ZC3H4: variants seen among roughly 807,000 people sequenced by gnomAD.
ZC3H4 encodes the protein zinc finger CCCH-type containing 4.
In ZC3H4, 13 loss-of-function variants were observed where a neutral mutation model predicts 108.3. The ratio of observed to expected loss-of-function variants is 0.12; its 90% CI spans 0.08 to 0.19. The LOEUF is 0.19. Ranked by LOEUF, ZC3H4 falls within the 10% of genes least tolerant of loss-of-function variation. The pLI is 1.00. For missense variants in ZC3H4, 1,734 were observed against 1,838.8 expected (o/e 0.94, Z 1.04); for synonymous variants, 917 against 749.6 (o/e 1.22, Z -3.65).
At chr19:47,081,072 T>C (rs909600249) in intron 11 of ZC3H4, among the ~76,000 whole-genome samples, 1 of 152,088 alleles carries the variant, frequency 6.6e-6, no homozygotes, top group Non-Finnish European at 1.5e-5. Flanking sequence ...TTTTTTTTAA[T>C]TTATTTTTAG....
intron 11 of ZC3H4, among the ~76,000 whole-genome samples, chr19:47,076,470 A>T (rs1460822991): frequency 6.6e-6 from 1 of 152,212 alleles, no homozygotes; most frequent in Non-Finnish European, 1.5e-5. Context: ...GGCATTTACT[A>T]TAAAGGACAC....
chr19:47,090,744 C>T (rs551806086), intron 4 of ZC3H4, among the ~76,000 whole-genome samples: 1 of 152,128 alleles, frequency 6.6e-6, no homozygotes, highest in African/African-American at 2.4e-5. Context: ...AATGGAGTAA[C>T]GACGAATATG....
rs757174170 is a variant in ZC3H4, at chr19:47,085,040, A to G, written c.1107+16T>C. 15 of 1,614,086 alleles carry G rather than the reference A, an allele frequency of 9.3e-6. No homozygotes were observed. The highest frequency in any genetic ancestry group is 1.2e-5 in the Non-Finnish European group (14 of 1,179,940). ...GACCTTGGCCCAAACATCAGATCAGAGTGGAGTCAACTCACGCCCATGTCC... is the reference window on the plus strand; with the variant it reads ...GACCTTGGCCCAAACATCAGATCAGGGTGGAGTCAACTCACGCCCATGTCC... On this transcript the variant is annotated intron_variant, in intron 8 of 14. Coordinates refer to ENST00000253048, the MANE Select transcript of ZC3H4 (RefSeq NM_015168.2).
Position 47,082,306 on chromosome 19 carries a change from A to C in ZC3H4, c.1219-11T>G. On this transcript the variant is annotated splice_polypyrimidine_tract_variant and intron_variant, in intron 9 of 14. Coordinates refer to ENST00000253048, the MANE Select transcript of ZC3H4 (RefSeq NM_015168.2). ...ATTACAGTGGTCTCCCTAGAAGAGA[A>C]GCAACAAAAACATAAGGTGGTGGCG... 6.3e-7 allele frequency: 1 copy of C among 1,598,450 alleles called. No homozygotes were observed. The highest frequency in any genetic ancestry group is 8.6e-7 in the Non-Finnish European group (1 of 1,165,408).
rs1476276492 is a variant in ZC3H4 at position 47,067,669 on chromosome 19, C to A, written c.2599G>T (p.Asp867Tyr). The A allele has an allele frequency of 6.2e-7, 1 of 1,600,640 alleles. No individual in the cohort carries two copies. Among genetic ancestry groups the A allele is most frequent in the Non-Finnish European group, 8.5e-7 (1 of 1,175,800 alleles). The change falls in exon 15 of 15, where the codon GAC becomes TAC. Residue 867 changes from aspartate (D) to tyrosine (Y), a missense_variant. Transcript: ENST00000253048. The surrounding 1 kb of genome is among the most constrained non-coding windows in gnomAD (Gnocchi z 6.4). ...SRLADPRLSR[D>Y]PRLTRHVEAS... ...TCCACATGGCGGGTGAGTCTGGGGT[C>A]CCGGCTGAGGCGAGGGTCAGCCAGC...
intron 5 of ZC3H4, among the ~76,000 whole-genome samples, chr19:47,088,675 G>A (rs1304439966): frequency 6.6e-6 from 1 of 152,048 alleles, no homozygotes; most frequent in East Asian, 1.9e-4. Context: ...ACAAAAAAGA[G>A]TGATGGGATC....
At chr19:47,084,167 G>C (rs951814696) in intron 9 of ZC3H4, among the ~76,000 whole-genome samples, 178 bp downstream of exon 9, 2 of 152,100 alleles carry the variant, frequency 1.3e-5, no homozygotes, top group African/African-American at 4.8e-5. Context: ...CACTCTGAAA[G>C]GTAACCTGAG....
intron 11 of ZC3H4, among the ~76,000 whole-genome samples, chr19:47,080,662 A>ATT (rs67141668): frequency 7.0e-6 from 1 of 141,870 alleles, no homozygotes; most frequent in African/African-American, 2.6e-5. Context: ...TACCTGGCTA[A>ATT]TTTTTTTTTT....
At position 47,066,770 on chromosome 19, in the gene ZC3H4, G is replaced by C. The variant is rs1310961002; in HGVS notation, c.3498C>G (p.Asp1166Glu). ...CAGCACCCTTGGGCTGGGCACCCGTGTCAGCAGCCGGCTCTGTGGCTTTGC... is the reference window on the plus strand; with the variant it reads ...CAGCACCCTTGGGCTGGGCACCCGTCTCAGCAGCCGGCTCTGTGGCTTTGC... ...AGGKATEPAA[D>E]TGAQPKGAEG... The change falls in exon 15 of 15, where the codon GAC (aspartate) becomes GAG (glutamate). Residue 1166 changes from aspartate (D) to glutamate (E), a missense_variant. Physicochemically the swap from Asp to Glu is conservative, Grantham distance 45. This residue lies in a region of ZC3H4 where 518 missense variants were observed against 499.6 expected (regional missense o/e 1.04). Transcript: ENST00000253048. 1 of 1,602,400 alleles carries C rather than the reference G, an allele frequency of 6.2e-7. No homozygotes were observed. Among genetic ancestry groups the C allele is most frequent in the East Asian group, 2.2e-5 (1 of 44,788 alleles).
rs368717305 is a variant in ZC3H4, at chr19:47,087,297, C to CACACA, written c.716-760_716-759insTGTGT. 2.5e-4 allele frequency among the ~76,000 whole-genome samples: 37 copies of CACACA among 146,598 alleles called. No individual in the cohort carries two copies. In the South Asian group the frequency reaches 5.1e-3, roughly 20 times the overall value. ...TCTCTCACACACACACACACACACA[C>CACACA]AAAAAAAAACCCAAATGAGAAAGAA... On this transcript the variant is annotated intron_variant, in intron 5 of 14. Transcript: ENST00000253048.
At chr19:47,081,103 A>G (rs2057513899) in intron 11 of ZC3H4, among the ~76,000 whole-genome samples, 1 of 152,144 alleles carries the variant, frequency 6.6e-6, no homozygotes, top group African/African-American at 2.4e-5. Context: ...GTCTTGCTAC[A>G]TGCCTAGGCT....
At chr19:47,093,878 A>G in intron 4 of ZC3H4, 92 bp downstream of exon 4, 1 of 1,148,190 alleles carries the variant, frequency 8.7e-7, no homozygotes, top group Non-Finnish European at 1.3e-6. Flanking sequence ...GAAACTCACA[A>G]AAAATGCCCA....
Position 47,067,423 on chromosome 19 carries a change from G to C in ZC3H4, c.2845C>G (p.Leu949Val), listed in dbSNP as rs1350039536. Residue 949 changes from leucine (L) to valine (V), a missense_variant, in exon 15 of 15, where the codon CTG (leucine) becomes GTG (valine). By Grantham distance (32) the Leu-to-Val change is conservative. Transcript: ENST00000253048. The surrounding 1 kb of genome is among the most constrained non-coding windows in gnomAD (Gnocchi z 6.4). ...IPLDPLPGHP[L>V]RDPRSQLQQF... ...TGCAGCTGTGACCGTGGGTCCCGCA[G>C]AGGGTGCCCGGGGAGTGGGTCCAGG... The C allele has an allele frequency of 1.2e-6, 2 of 1,606,182 alleles. No homozygotes were observed. Among genetic ancestry groups the C allele is most frequent in the South Asian group, 1.1e-5 (1 of 90,094 alleles).
rs534635790 is a variant in ZC3H4 at position 47,096,922 on chromosome 19, C to T, written c.162-2314G>A. On this transcript the variant is annotated intron_variant, in intron 2 of 14. Transcript: ENST00000253048. ...GCACGCCCTCCCTTATGTCCAACACCGCGGCACAGCAGGCGACAGTCTTGC... is the reference window on the plus strand; with the variant it reads ...GCACGCCCTCCCTTATGTCCAACACTGCGGCACAGCAGGCGACAGTCTTGC... 33 of 985,384 alleles carry T rather than the reference C, an allele frequency of 3.3e-5. No individual in the cohort carries two copies. In the South Asian group the frequency reaches 5.6e-4, roughly 17 times the overall value. 61.0% of individuals were successfully genotyped at this position (985,384 alleles called of 1,614,324 possible).
chr19:47,068,959 G>A, intron 14 of ZC3H4, 133 bp downstream of exon 14: 1 of 1,513,872 alleles, frequency 6.6e-7, no homozygotes, highest in Non-Finnish European at 8.8e-7. Context: ...CCGGCTTCAT[G>A]GCCCTGGACA....
intron 5 of ZC3H4, among the ~76,000 whole-genome samples, chr19:47,089,494 C>T (rs567155451): frequency 2.6e-5 from 4 of 152,250 alleles, no homozygotes; most frequent in African/African-American, 7.2e-5. Flanking sequence ...TTCTAAGAGG[C>T]CAGTCAGGGC....
chr19:47,082,033 G>A (rs2057533995), intron 10 of ZC3H4, 151 bp downstream of exon 10: 9 of 688,308 alleles, frequency 1.3e-5, no homozygotes, highest in Admixed American at 4.6e-5. Context: ...CTCTGAGGGC[G>A]GACGTGAGTG....
Position 47,072,417 on chromosome 19 carries a change from C to G in ZC3H4, c.1737G>C (p.Lys579Asn), listed in dbSNP as rs926877548. 1 of 1,612,656 alleles carries G rather than the reference C, an allele frequency of 6.2e-7. No individual in the cohort carries two copies. The highest frequency in any genetic ancestry group is 1.3e-5 in the African/African-American group (1 of 74,860). ...QLQQQDMYNK[K>N]IPSLFEIVVR... is the part of the protein sequence containing the mutation. Reference sequence around the variant, plus strand: ...CCACGATCTCAAACAAGGAGGGGATCTTCTTGTTGTACATGTCCTGCTGCT... The same window carrying G: ...CCACGATCTCAAACAAGGAGGGGATGTTCTTGTTGTACATGTCCTGCTGCT... The change falls in exon 12 of 15, where the codon AAG becomes AAC. Residue 579 changes from lysine to asparagine, a missense_variant. By Grantham distance (94) the Lys-to-Asn change is moderately conservative. Coordinates refer to ENST00000253048, the MANE Select transcript of ZC3H4 (RefSeq NM_015168.2). This position sits in a 1 kb window ranked among gnomAD's most constrained non-coding sequence, Gnocchi z 5.6.
chr19:47,106,799 C>T (rs1032630679), intron 2 of ZC3H4, among the ~76,000 whole-genome samples: 4 of 152,172 alleles, frequency 2.6e-5, no homozygotes, highest in African/African-American at 7.2e-5. Flanking sequence ...CAAGAAAAGC[C>T]GGGGAGGAAC....
Sources: gnomAD v4.1 joint callset for allele counts (sites outside exome capture counted in the v4.1 genomes callset) on GRCh38, gnomAD v4.1.1 for gene constraint, gnomAD v4.1.1 regional missense constraint, Gnocchi (gnomAD v3.1) non-coding constraint, MANE v1.5 for transcripts, NCBI Gene and HGNC (gene_info 2026-07-23, HGNC 2026-07-21) for gene names.